The following LY96 variants were observed in gnomAD, a reference collection of about 807,000 sequenced individuals.
The protein encoded by LY96 is myeloid differentiation protein-2.
Under a neutral mutation model 18.9 loss-of-function variants are expected in LY96, and 18 were observed. The ratio of observed to expected loss-of-function variants is 0.95; its 90% CI spans 0.66 to 1.41. LY96 has a LOEUF of 1.41. Among genes scored for constraint, LY96 ranks in the 40% most tolerant of loss-of-function variants. The pLI, the probability that LY96 is intolerant of heterozygous loss-of-function variation, is 0.00. For missense variants in LY96, 175 were observed against 182.4 expected (o/e 0.96, Z 0.23); for synonymous variants, 66 against 62.6 (o/e 1.06, Z -0.26).
At chr8:74,030,300 G>A (rs1816948926), downstream of LY96, among the ~76,000 whole-genome samples, 2 of 152,154 alleles carry the variant, frequency 1.3e-5, no homozygotes, top group Non-Finnish European at 1.5e-5. Context: ...ATCACCTGAG[G>A]TCAGGAGTTT....
chr8:74,011,557 C>T (rs1391011582), intron 3 of LY96, among the ~76,000 whole-genome samples: 3 of 151,948 alleles, frequency 2.0e-5, no homozygotes. Flanking sequence ...AACAAATAAC[C>T]CCATTAAAAA....
chr8:74,005,126 G>A (rs1281147114), intron 2 of LY96, among the ~76,000 whole-genome samples: 1 of 152,174 alleles, frequency 6.6e-6, no homozygotes, highest in Non-Finnish European at 1.5e-5. Flanking sequence ...CAAGGTGTTT[G>A]CCAGGCTGGA....
At chr8:74,017,336 G>C (rs1009697870) in intron 3 of LY96, among the ~76,000 whole-genome samples, 4 of 152,192 alleles carry the variant, frequency 2.6e-5, no homozygotes, top group African/African-American at 9.6e-5. Flanking sequence ...AATGAAGCAA[G>C]AAGAGAAGTT....
At chr8:74,073,154 C>A in the LY96 span, among the ~76,000 whole-genome samples, 1 of 152,144 alleles carries the variant, frequency 6.6e-6, no homozygotes, top group Admixed American at 6.5e-5. Flanking sequence ...TGCCTCTGAC[C>A]TTGATAGTGT....
the LY96 span, among the ~76,000 whole-genome samples, chr8:74,060,199 C>T: frequency 6.6e-6 from 1 of 152,166 alleles, no homozygotes; most frequent in African/African-American, 2.4e-5. Flanking sequence ...ACTTCCAACT[C>T]TTATTGTCAA....
the LY96 span, among the ~76,000 whole-genome samples, chr8:74,088,129 A>AATGGAATGGAATGGAATG: frequency 4.0e-5 from 6 of 151,110 alleles, no homozygotes; most frequent in African/African-American, 1.5e-4. Context: ...AGAATAGAAT[A>AATGGAATGGAATGGAATG]GAATAGAATA....
chr8:74,001,384 A>G (rs1008782197), intron 1 of LY96, among the ~76,000 whole-genome samples: 2 of 151,926 alleles, frequency 1.3e-5, no homozygotes, highest in Admixed American at 6.6e-5. Context: ...CTGTGCTGAC[A>G]TGCCCAGATA....
chr8:74,006,955 A>G (rs1816424936), intron 2 of LY96, among the ~76,000 whole-genome samples: 1 of 152,200 alleles, frequency 6.6e-6, no homozygotes, highest in African/African-American at 2.4e-5. Flanking sequence ...TGAACAGTAA[A>G]GGGGAGAGGA....
the LY96 span, among the ~76,000 whole-genome samples, chr8:74,042,564 T>C: frequency 1.3e-5 from 2 of 152,152 alleles, no homozygotes; most frequent in African/African-American, 4.8e-5. Flanking sequence ...TCTGCTTTTT[T>C]ACACAAGAGC....
the LY96 span, among the ~76,000 whole-genome samples, chr8:74,094,253 GTA>G: frequency 4.0e-5 from 6 of 150,412 alleles, no homozygotes; most frequent in South Asian, 2.2e-4. Context: ...GTGGGTGTGT[GTA>G]TGTGTGTGTG....
the LY96 span, among the ~76,000 whole-genome samples, chr8:74,082,592 G>A: frequency 1.3e-5 from 2 of 152,234 alleles, no homozygotes; most frequent in East Asian, 1.9e-4. Context: ...CTCACCCATC[G>A]TAGGTTCATA....
chr8:74,092,462 A>G, the LY96 span, among the ~76,000 whole-genome samples: 25 of 152,310 alleles, frequency 1.6e-4, no homozygotes, highest in Non-Finnish European at 2.9e-4. Flanking sequence ...ACAAGTTGCC[A>G]TAACCTATCA....
At chr8:74,079,421 A>T in the LY96 span, 1 of 152,194 alleles carries the variant, frequency 6.6e-6, no homozygotes, top group Non-Finnish European at 1.5e-5. Context: ...TCTTCAGGTA[A>T]TGCCCTTTGT....
Position 74,010,126 on chromosome 8 carries a change from G to A in LY96, c.328G>A (p.Gly110Arg), listed in dbSNP as rs770987928. The A allele has an allele frequency of 3.2e-5, 52 of 1,612,254 alleles. No homozygotes were observed. The highest frequency in any genetic ancestry group is 4.3e-5 in the Non-Finnish European group (51 of 1,178,624). Residue 110 changes from glycine to arginine, a missense_variant, in exon 3 of 5, where the codon GGA becomes AGA. Gly to Arg is a moderately radical substitution (Grantham distance 125). Coordinates refer to ENST00000284818, the MANE Select transcript of LY96 (RefSeq NM_015364.5). ...DDYSFCRALK[G>R]ETVNTTISFS... is the part of the protein sequence containing the mutation. ...TTACTCTTTTTGCAGAGCTCTGAAG[G>A]GAGGTAAGTATTCAGTTCATATTAC...
chr8:74,023,327 C>A (rs1053793220), intron 3 of LY96, among the ~76,000 whole-genome samples: 2 of 152,182 alleles, frequency 1.3e-5, no homozygotes, highest in African/African-American at 4.8e-5. Context: ...AGCACCACAG[C>A]CCTGTTCAGC....
chr8:74,009,413 G>T (rs148081046), intron 2 of LY96, among the ~76,000 whole-genome samples: 64 of 126,488 alleles, frequency 5.1e-4, no homozygotes, highest in African/African-American at 1.8e-3. Context: ...GAAAAGAAAA[G>T]AAAAGAAAGA....
chr8:74,084,219 G>T, the LY96 span, among the ~76,000 whole-genome samples: 2 of 152,130 alleles, frequency 1.3e-5, no homozygotes, highest in South Asian at 2.1e-4. Flanking sequence ...TATCTCATAG[G>T]TGGTAGTGTG....
chr8:74,073,308 T>C, the LY96 span, among the ~76,000 whole-genome samples: 1 of 152,172 alleles, frequency 6.6e-6, no homozygotes, highest in African/African-American at 2.4e-5. Context: ...GGTGAGTCAG[T>C]AGATCAACAG....
intron 1 of LY96, among the ~76,000 whole-genome samples, chr8:73,999,030 G>GCATGATCT (rs1442888538): frequency 6.6e-6 from 1 of 151,654 alleles, no homozygotes; most frequent in Non-Finnish European, 1.5e-5. Flanking sequence ...GAATGCAGTG[G>GCATGATCT]CATGATCTCA....
Sources: gnomAD v4.1 joint callset for allele counts (sites outside exome capture counted in the v4.1 genomes callset) on GRCh38, gnomAD v4.1.1 for gene constraint, MANE v1.5 for transcripts, NCBI Gene and HGNC (gene_info 2026-07-23, HGNC 2026-07-21) for gene names.